The following ITSN2 variants were observed in gnomAD, a reference collection of about 807,000 sequenced individuals.
ITSN2 encodes intersectin-2.
A neutral mutation model predicts 243.7 loss-of-function variants in ITSN2; 156 were observed. The ratio of observed to expected loss-of-function variants is 0.64; its 90% confidence interval spans 0.56 to 0.73. ITSN2 has a LOEUF of 0.73. Ranked by LOEUF, ITSN2 falls within the 30% of genes least tolerant of loss-of-function variation. ITSN2 has a pLI of 0.00. For synonymous variants in ITSN2, 703 were observed against 699.9 expected, an observed-to-expected ratio of 1.00 and a Z score of -0.07; for missense variants, 1,801 against 1,996.1, an observed-to-expected ratio of 0.90 and a Z score of 1.86.
Position 24,303,863 on chromosome 2 carries a change from C to G in ITSN2, c.794-1G>C, listed in dbSNP as rs1682128418. On this transcript the variant is annotated splice_acceptor_variant, in intron 8 of 39. Coordinates refer to ENST00000355123, the MANE Select transcript of ITSN2 (RefSeq NM_006277.3). LOFTEE classifies it high-confidence loss of function. ...AGAAGGGCATTTCTAGCTTGAAAAC[C>G]TGATTAAGTGGGGAAAATCATAAAG... 6.3e-7 allele frequency: 1 copy of G among 1,598,442 alleles called. No individual in the cohort carries two copies. Among genetic ancestry groups the G allele is most frequent in the Non-Finnish European group, 8.6e-7 (1 of 1,165,824 alleles).
In ITSN2 at chr2:24,316,276, A is replaced by ATTAT. The variant is rs544014528; in HGVS notation, c.32-1056_32-1053dup. ...GCCATCTAGTAGTTTTTATTATTTT[A>ATTAT]TTATTTATTTATTTATTTATTTTGA... is the stretch of plus-strand genomic sequence containing the variant. On this transcript the variant is annotated intron_variant, in intron 2 of 39. Coordinates refer to ENST00000355123, the MANE Select transcript of ITSN2 (RefSeq NM_006277.3). Among the ~76,000 whole-genome samples, 581 of 152,000 alleles carry ATTAT rather than the reference A, an allele frequency of 3.8e-3. 3 individuals are homozygous for ATTAT. The highest frequency in any genetic ancestry group is 0.013 in the African/African-American group (544 of 41,486).
At chr2:24,290,491 A>G (rs751938118) in intron 15 of ITSN2, among the ~76,000 whole-genome samples, 2 of 152,174 alleles carry the variant, frequency 1.3e-5, no homozygotes, top group Non-Finnish European at 2.9e-5. Flanking sequence ...TTCATTTTTA[A>G]TCATCAAATC....
In ITSN2 at chr2:24,295,796, T is replaced by C. The variant is rs1407426319; in HGVS notation, c.1503A>G (p.Lys501=). Residue 501 remains lysine (K), a synonymous_variant, in exon 14 of 40, where the codon AAA becomes AAG. Coordinates refer to ENST00000355123, the MANE Select transcript of ITSN2 (RefSeq NM_006277.3). ...LHLELEALNG[K]HQQISGRLQD... is the part of the protein sequence containing the mutation. Reference sequence around the variant, plus strand: ...GAAGTCTGCCTGAGATCTGCTGATGTTTGCCATTCTATAGGAAGATCATAT... The same window carrying C: ...GAAGTCTGCCTGAGATCTGCTGATGCTTGCCATTCTATAGGAAGATCATAT... The C allele has an allele frequency of 4.6e-6, 7 of 1,537,474 alleles. No individual in the cohort carries two copies. The highest frequency in any genetic ancestry group is 6.1e-6 in the Non-Finnish European group (7 of 1,150,950).
intron 18 of ITSN2, 61 bp downstream of exon 18, chr2:24,275,652 T>C (rs1477892008): frequency 2.3e-5 from 31 of 1,359,892 alleles, no homozygotes; most frequent in Non-Finnish European, 3.0e-5. Flanking sequence ...ACTAAAGATA[T>C]GAGCAACAAA....
chr2:24,216,082 T>A lies in ITSN2; in HGVS notation c.3957A>T (p.Thr1319=). The change falls in exon 32 of 40, where the codon ACA becomes ACT. Residue 1319 remains threonine (T), a synonymous_variant. Coordinates refer to ENST00000355123, the MANE Select transcript of ITSN2 (RefSeq NM_006277.3). ...LNGAALLQQK[T]DEDTDFKEFL... Reference sequence around the variant, plus strand: ...ATTCTTTGAAATCTGTGTCTTCATCTGTCTTCTGCTGTAACAGAGCTGCTC... The same window carrying A: ...ATTCTTTGAAATCTGTGTCTTCATCAGTCTTCTGCTGTAACAGAGCTGCTC... 1 of 1,605,074 alleles carries A rather than the reference T, an allele frequency of 6.2e-7. No homozygotes were observed. The highest frequency in any genetic ancestry group is 1.1e-5 in the South Asian group (1 of 89,770).
intron 29 of ITSN2, among the ~76,000 whole-genome samples, chr2:24,228,447 C>A (rs533221851): frequency 6.6e-6 from 1 of 152,280 alleles, no homozygotes; most frequent in African/African-American, 2.4e-5. Context: ...TCAAAATAAT[C>A]ATTGACTGTA....
intron 2 of ITSN2, among the ~76,000 whole-genome samples, chr2:24,316,241 G>A (rs961314690): frequency 6.6e-6 from 1 of 152,114 alleles, no homozygotes; most frequent in Non-Finnish European, 1.5e-5. Flanking sequence ...TACCCTGGAA[G>A]TTATAGAGAG....
At chr2:24,256,288 C>T (rs1301784343) in intron 23 of ITSN2, among the ~76,000 whole-genome samples, 2 of 152,210 alleles carry the variant, frequency 1.3e-5, no homozygotes, top group East Asian at 1.9e-4. Context: ...TTAGAAACAG[C>T]ACTACCTTCC....
chr2:24,358,098 T>C (rs147090217), intron 1 of ITSN2, among the ~76,000 whole-genome samples: 216 of 152,300 alleles, frequency 1.4e-3, no homozygotes, highest in African/African-American at 5.1e-3. Context: ...TATTTTTTAG[T>C]AGAGACAGGA....
At chr2:24,230,969 G>A (rs1671534513) in intron 29 of ITSN2, among the ~76,000 whole-genome samples, 1 of 143,950 alleles carries the variant, frequency 6.9e-6, no homozygotes, top group South Asian at 2.3e-4. Flanking sequence ...TATTCCTCAG[G>A]CACCACAGGA....
intron 16 of ITSN2, among the ~76,000 whole-genome samples, chr2:24,285,249 A>G (rs1679349278): frequency 6.6e-6 from 1 of 152,180 alleles, no homozygotes; most frequent in Non-Finnish European, 1.5e-5. Context: ...GGCTTGTCTA[A>G]CCAGCAATGA....
In ITSN2 at chr2:24,257,846, T is replaced by C. The variant is rs759547436; in HGVS notation, c.2888+42A>G. 4 of 1,443,938 alleles carry C rather than the reference T, an allele frequency of 2.8e-6. No individual in the cohort carries two copies. In the South Asian group the frequency reaches 4.6e-5, roughly 17 times the overall value. 89.4% of individuals were successfully genotyped at this position (1,443,938 alleles called of 1,614,324 possible). ...ACCATGGCTGACTCATTAGTGAAAATACCAACATCCACATCTCATGAAAAC... is the reference window on the plus strand; with the variant it reads ...ACCATGGCTGACTCATTAGTGAAAACACCAACATCCACATCTCATGAAAAC... On this transcript the variant is annotated intron_variant, in intron 23 of 39. Transcript: ENST00000355123.
At chr2:24,291,643 C>T (rs1372651683) in intron 15 of ITSN2, among the ~76,000 whole-genome samples, 1 of 152,084 alleles carries the variant, frequency 6.6e-6, no homozygotes, top group East Asian at 1.9e-4. Context: ...GCGTGCGCCA[C>T]CATGCCCAGC....
In ITSN2 at chr2:24,302,146, G is replaced by A. The variant is rs370589700; in HGVS notation, c.858-44C>T. The A allele has an allele frequency of 4.6e-5, 65 of 1,405,614 alleles. No homozygotes were observed. The African/African-American group carries it at 9.2e-4, about 20-fold the overall frequency. 87.1% of individuals were successfully genotyped at this position (1,405,614 alleles called of 1,614,324 possible). A position where few individuals can be genotyped will look rare whatever the true frequency, so the allele number is the denominator to read the frequency against. On this transcript the variant is annotated intron_variant, in intron 9 of 39. Transcript: ENST00000355123. ...TTCACAACTTAATAAAGTCTATTTGGAGTAAAATATTGCCTTAAAAGTTCA... is the reference window on the plus strand; with the variant it reads ...TTCACAACTTAATAAAGTCTATTTGAAGTAAAATATTGCCTTAAAAGTTCA...
intron 8 of ITSN2, among the ~76,000 whole-genome samples, chr2:24,305,767 G>C (rs887528662): frequency 6.6e-5 from 10 of 151,958 alleles, no homozygotes; most frequent in African/African-American, 2.4e-4. Flanking sequence ...TACCCTTGTA[G>C]GTCTCAGAAT....
At chr2:24,207,850 G>A (rs1317142011) in intron 37 of ITSN2, among the ~76,000 whole-genome samples, 1 of 151,880 alleles carries the variant, frequency 6.6e-6, no homozygotes, top group Non-Finnish European at 1.5e-5. Flanking sequence ...GCAGGCCCTA[G>A]AGGAGGGTGA....
At chr2:24,303,032 G>A (rs1681983841) in intron 9 of ITSN2, among the ~76,000 whole-genome samples, 1 of 152,162 alleles carries the variant, frequency 6.6e-6, no homozygotes, top group South Asian at 2.1e-4. Flanking sequence ...ACTGCCAGCT[G>A]TAGAAAAGTA....
At chr2:24,275,556 T>C (rs530982436) in intron 18 of ITSN2, among the ~76,000 whole-genome samples, 157 bp downstream of exon 18, 3 of 152,346 alleles carry the variant, frequency 2.0e-5, no homozygotes, top group African/African-American at 7.2e-5. Flanking sequence ...AATCAGTTAC[T>C]GCAAACTTGA....
In ITSN2 at chr2:24,208,288, A is replaced by C. The variant is rs775484624; in HGVS notation, c.4627T>G (p.Ser1543Ala). The C allele has an allele frequency of 4.3e-6, 7 of 1,612,088 alleles. No individual in the cohort carries two copies. The highest frequency in any genetic ancestry group is 5.9e-6 in the Non-Finnish European group (7 of 1,179,748). The change falls in exon 37 of 40, where the codon TCT (serine) becomes GCT (alanine). Residue 1543 changes from serine to alanine, a missense_variant. Physicochemically the swap from Ser to Ala is moderately conservative, Grantham distance 99. Coordinates refer to ENST00000355123, the MANE Select transcript of ITSN2 (RefSeq NM_006277.3). ...TTCTCGGTGTCGATGTACTGCTCAG[A>C]CGCCGCCTTGATCTTCTGCACCCAG... Reference protein sequence around the residue: ...TAWVQKIKAASEQYIDTEKKK... With the variant: ...TAWVQKIKAAAEQYIDTEKKK...
Sources: gnomAD v4.1 joint callset for allele counts (sites outside exome capture counted in the v4.1 genomes callset) on GRCh38, gnomAD v4.1.1 for gene constraint, MANE v1.5 for transcripts, NCBI Gene and HGNC (gene_info 2026-07-23, HGNC 2026-07-21) for gene names.